PTPRD: variants seen among roughly 807,000 people sequenced by gnomAD.
The protein encoded by PTPRD is protein tyrosine phosphatase receptor type D.
PTPRD carries 34 observed loss-of-function variants against 214.5 expected under a neutral mutation model. The observed-to-expected ratio is 0.16, with a 90% CI of 0.12 to 0.21. The LOEUF (loss-of-function observed/expected upper bound fraction) is 0.21. PTPRD is among the 10% of genes least tolerant of loss of function. The pLI is 1.00. For synonymous variants in PTPRD, 1,128 were observed against 845.7 expected, an observed-to-expected ratio of 1.33 and a Z score of -5.79; for missense variants, 2,545 against 2,398.7, an observed-to-expected ratio of 1.06 and a Z score of -1.27.
chr9:9,943,484 G>C (rs909908393), intron 4 of PTPRD, among the ~76,000 whole-genome samples: 2 of 152,216 alleles, frequency 1.3e-5, no homozygotes, highest in East Asian at 3.9e-4. Context: ...TGTCAATTAT[G>C]TTATTGAACA....
chr9:9,281,442 T>G (rs1247988359), intron 9 of PTPRD, among the ~76,000 whole-genome samples: 2 of 151,270 alleles, frequency 1.3e-5, no homozygotes, highest in African/African-American at 4.8e-5. Context: ...CAAAATACTT[T>G]AACACAGCCT....
At chr9:10,527,573 T>C (rs1221601661) in intron 2 of PTPRD, among the ~76,000 whole-genome samples, 1 of 152,136 alleles carries the variant, frequency 6.6e-6, no homozygotes, top group Non-Finnish European at 1.5e-5. Context: ...TAGAATAGCT[T>C]AAAACCACAA....
intron 9 of PTPRD, among the ~76,000 whole-genome samples, chr9:9,303,698 G>A (rs1333104): frequency 0.87 from 131,630 of 152,066 alleles, 57,307 homozygotes; most frequent in East Asian, 1. Context: ...ATTTGGAAGT[G>A]CACATCCACA....
At chr9:10,396,407 A>G (rs2154493720) in intron 2 of PTPRD, among the ~76,000 whole-genome samples, 1 of 152,046 alleles carries the variant, frequency 6.6e-6, no homozygotes. Context: ...GGCCTATTGG[A>G]CTCAAACTGT....
At chr9:8,795,143 C>G (rs1476482521) in intron 11 of PTPRD, among the ~76,000 whole-genome samples, 1 of 151,884 alleles carries the variant, frequency 6.6e-6, no homozygotes. Flanking sequence ...TATCATCCAC[C>G]CCTATGTTTA....
chr9:9,573,674 A>C (rs1257965988), intron 8 of PTPRD, among the ~76,000 whole-genome samples: 1 of 151,810 alleles, frequency 6.6e-6, no homozygotes, highest in African/African-American at 2.4e-5. Flanking sequence ...TAAAATTATT[A>C]CTCAAAGTGT....
intron 12 of PTPRD, among the ~76,000 whole-genome samples, chr9:8,696,519 C>G (rs1057106857): frequency 2.0e-5 from 3 of 151,880 alleles, no homozygotes; most frequent in Non-Finnish European, 2.9e-5. Context: ...TGGTGATTAG[C>G]AGAAGGAAGT....
At chr9:8,846,372 G>C (rs151315580) in intron 11 of PTPRD, among the ~76,000 whole-genome samples, 1 of 152,132 alleles carries the variant, frequency 6.6e-6, no homozygotes, top group Non-Finnish European at 1.5e-5. Context: ...CATGTAGTAG[G>C]AGCTGGAGAT....
chr9:10,044,262 T>G (rs1249935717), intron 3 of PTPRD, among the ~76,000 whole-genome samples: 1 of 151,844 alleles, frequency 6.6e-6, no homozygotes, highest in African/African-American at 2.4e-5. Flanking sequence ...ACTTTCTGAT[T>G]GAATAATACA....
intron 3 of PTPRD, among the ~76,000 whole-genome samples, chr9:10,165,952 C>T (rs2099156389): frequency 6.7e-6 from 1 of 150,202 alleles, no homozygotes; most frequent in African/African-American, 2.4e-5. Flanking sequence ...TTTATGTAAA[C>T]ATAACCTATG....
intron 2 of PTPRD, among the ~76,000 whole-genome samples, chr9:10,533,737 G>A (rs1276114120): frequency 2.0e-5 from 3 of 151,542 alleles, no homozygotes; most frequent in African/African-American, 2.4e-5. Context: ...TAAAATAATC[G>A]ACAGGCTAGT....
intron 7 of PTPRD, among the ~76,000 whole-genome samples, chr9:9,619,434 A>G (rs765521746): frequency 6.7e-6 from 1 of 150,020 alleles, no homozygotes; most frequent in Non-Finnish European, 1.5e-5. Flanking sequence ...ACAATTTAAT[A>G]TATATCTATA....
At chr9:8,485,417 C>T (rs908432203) in intron 28 of PTPRD, 93 bp from the exon 29 acceptor site, 2 of 833,250 alleles carry the variant, frequency 2.4e-6, no homozygotes, top group Admixed American at 2.4e-5. Context: ...ATGCTAGATG[C>T]TGTCTACTTT....
At chr9:8,722,808 A>T (rs1039905072) in intron 12 of PTPRD, among the ~76,000 whole-genome samples, 7 of 152,230 alleles carry the variant, frequency 4.6e-5, no homozygotes, top group Non-Finnish European at 1.5e-5. Context: ...GCTTTAAAAG[A>T]AAAATAAAAC....
chr9:10,100,837 T>C (rs1200040361), intron 3 of PTPRD, among the ~76,000 whole-genome samples: 1 of 151,466 alleles, frequency 6.6e-6, no homozygotes, highest in East Asian at 1.9e-4. Flanking sequence ...AAATTGAAGC[T>C]TAAATCTATT....
intron 3 of PTPRD, among the ~76,000 whole-genome samples, chr9:10,052,635 T>G (rs565278486): frequency 6.6e-6 from 1 of 152,172 alleles, no homozygotes; most frequent in South Asian, 2.1e-4. Context: ...TTTTTACAGG[T>G]GTAAAACTAA....
At chr9:10,268,554 T>C (rs1438896108) in intron 3 of PTPRD, among the ~76,000 whole-genome samples, 5 of 152,164 alleles carry the variant, frequency 3.3e-5, no homozygotes, top group African/African-American at 9.7e-5. Flanking sequence ...ACACTCTTCC[T>C]TTCCACCTAA....
chr9:9,241,164 T>C (rs186080385), intron 9 of PTPRD, among the ~76,000 whole-genome samples: 1 of 152,304 alleles, frequency 6.6e-6, no homozygotes, highest in African/African-American at 2.4e-5. Context: ...ATTTGAAATT[T>C]TGCTGATTAC....
intron 4 of PTPRD, among the ~76,000 whole-genome samples, chr9:10,028,284 G>C (rs1179408865): frequency 6.6e-6 from 1 of 152,096 alleles, no homozygotes; most frequent in African/African-American, 2.4e-5. Flanking sequence ...TTTTTCTTTT[G>C]TAAATTGCTC....
Sources: gnomAD v4.1 joint callset for allele counts (sites outside exome capture counted in the v4.1 genomes callset) on GRCh38, gnomAD v4.1.1 for gene constraint, MANE v1.5 for transcripts, NCBI Gene and HGNC (gene_info 2026-07-23, HGNC 2026-07-21) for gene names.